The following LAYN variants were observed in gnomAD, a reference collection of about 807,000 sequenced individuals.
The protein encoded by LAYN is layilin.
Under a neutral mutation model 43.6 loss-of-function variants are expected in LAYN, and 38 were observed. The ratio of observed to expected loss-of-function variants is 0.87; its 90% CI spans 0.67 to 1.14. The LOEUF (loss-of-function observed/expected upper bound fraction) is 1.14, where lower values mean the gene tolerates loss of function less well. Among genes scored for constraint, LAYN ranks in the 50% most tolerant of loss-of-function variants. LAYN has a pLI of 0.00. For synonymous variants in LAYN, 168 were observed against 172.9 expected, an observed-to-expected ratio of 0.97 and a Z score of 0.22; for missense variants, 479 against 463.8, an observed-to-expected ratio of 1.03 and a Z score of -0.30.
rs1031238521 is a variant in LAYN at position 111,560,657 on chromosome 11, G to A, written c.*199G>A. 6 of 583,948 alleles carry A rather than the reference G, an allele frequency of 1.0e-5. No individual in the cohort carries two copies. Among genetic ancestry groups the A allele is most frequent in the East Asian group, 2.9e-5 (1 of 34,126 alleles). 36.2% of individuals were successfully genotyped at this position (583,948 alleles called of 1,614,324 possible). The stretch of plus-strand genomic sequence containing the variant: ...TTTATCCCAGCCAGTCATCCAGCTC[G>A]ACCTTATGAGAAGGTACCTTGCCCA... On this transcript the variant is annotated 3_prime_UTR_variant, in exon 7 of 7. Transcript: ENST00000375614.
At chr11:111,540,558 C>T (rs1485928638), upstream of LAYN, 1 of 476,454 alleles carries the variant, frequency 2.1e-6, no homozygotes, top group Non-Finnish European at 3.7e-6. Context: ...AGCTGGTTCC[C>T]CTCTGCGACT....
At chr11:111,547,131 C>T (rs372303688) in intron 2 of LAYN, among the ~76,000 whole-genome samples, 2 of 152,184 alleles carry the variant, frequency 1.3e-5, no homozygotes, top group East Asian at 1.9e-4. Context: ...CCTCTAGAGC[C>T]CAAAGAGACC....
At chr11:111,556,341 G>C (rs906131811) in intron 5 of LAYN, among the ~76,000 whole-genome samples, 4 of 152,156 alleles carry the variant, frequency 2.6e-5, no homozygotes, top group African/African-American at 9.7e-5. Flanking sequence ...GAGCTTTCGT[G>C]TCCAGAGGTT....
rs185397081 is a variant in LAYN at position 111,550,781 on chromosome 11, T to C, written c.541+1006T>C. Among the ~76,000 whole-genome samples, 3 of 152,324 alleles carry C rather than the reference T, an allele frequency of 2.0e-5. No individual in the cohort carries two copies. In the East Asian group the frequency reaches 5.8e-4, roughly 29 times the overall value. Reference sequence around the variant, plus strand: ...CAGTGAAAGCAAGGCACTTGTTACATACTGGCTTTCCATCACTTTTGTTAA... The same window carrying C: ...CAGTGAAAGCAAGGCACTTGTTACACACTGGCTTTCCATCACTTTTGTTAA... On this transcript the variant is annotated intron_variant, in intron 3 of 6. Transcript: ENST00000375614.
chr11:111,556,339 G>A (rs188832754), intron 5 of LAYN, among the ~76,000 whole-genome samples: 159 of 152,264 alleles, frequency 1.0e-3, no homozygotes, highest in African/African-American at 3.6e-3. Context: ...CAGAGCTTTC[G>A]TGTCCAGAGG....
At chr11:111,557,740 C>A in intron 6 of LAYN, 97 bp downstream of exon 6, 1 of 970,654 alleles carries the variant, frequency 1.0e-6, no homozygotes, top group Non-Finnish European at 1.7e-6. Context: ...ACGGCAGCAC[C>A]AAGAGTATCA....
At chr11:111,556,761 C>T (rs1348611882) in intron 5 of LAYN, among the ~76,000 whole-genome samples, 1 of 152,148 alleles carries the variant, frequency 6.6e-6, no homozygotes, top group Non-Finnish European at 1.5e-5. Context: ...GAAAAGCCAA[C>T]AGCCTCTGGA....
At chr11:111,555,383 C>T in intron 5 of LAYN, 93 bp downstream of exon 5, 1 of 876,672 alleles carries the variant, frequency 1.1e-6, no homozygotes, top group Non-Finnish European at 1.8e-6. Context: ...TTCTTTCCCA[C>T]AGCTACCTAA....
upstream of LAYN, chr11:111,540,545 G>A (rs893023126): frequency 2.2e-6 from 1 of 460,802 alleles, no homozygotes; most frequent in African/African-American, 2.1e-5. Flanking sequence ...GAGGGGGACA[G>A]GGAGCTGGTT....
intron 5 of LAYN, among the ~76,000 whole-genome samples, chr11:111,557,335 T>C (rs112364159): frequency 3.3e-5 from 5 of 152,234 alleles, no homozygotes; most frequent in African/African-American, 1.2e-4. Context: ...TGGCTAGATG[T>C]GTCTTGATCA....
chr11:111,551,311 C>T, intron 3 of LAYN: 1 of 456,220 alleles, frequency 2.2e-6, no homozygotes, highest in South Asian at 1.5e-5. Context: ...TGACCTTCTG[C>T]CTTTGCCTCT....
intron 2 of LAYN, among the ~76,000 whole-genome samples, chr11:111,546,542 G>T (rs1867651530): frequency 6.6e-6 from 1 of 152,224 alleles, no homozygotes; most frequent in Non-Finnish European, 1.5e-5. Context: ...GGCTCAGGCT[G>T]CCTGTATCAG....
intron 5 of LAYN, 26 bp from the exon 6 acceptor site, chr11:111,557,515 T>C (rs777440350): frequency 1.9e-6 from 3 of 1,578,066 alleles, no homozygotes; most frequent in African/African-American, 1.3e-5. Flanking sequence ...CAGCCAATGC[T>C]GATCATGTGC....
At chr11:111,541,693 A>G in intron 1 of LAYN, 1 of 965,048 alleles carries the variant, frequency 1.0e-6, no homozygotes. Flanking sequence ...GCTTGACCAA[A>G]CGGGACAGAG....
At chr11:111,553,362 C>G (rs1867775967) in intron 3 of LAYN, among the ~76,000 whole-genome samples, 1 of 152,146 alleles carries the variant, frequency 6.6e-6, no homozygotes, top group South Asian at 2.1e-4. Context: ...GCCTGTAATC[C>G]CAGCATTTTG....
chr11:111,554,552 C>G lies in LAYN; in HGVS notation c.542-9C>G, dbSNP rs763002566. 1 of 1,610,026 alleles carries G rather than the reference C, an allele frequency of 6.2e-7. No individual in the cohort carries two copies. Among genetic ancestry groups the G allele is most frequent in the South Asian group, 1.1e-5 (1 of 90,984 alleles). On this transcript the variant is annotated splice_polypyrimidine_tract_variant and intron_variant, in intron 3 of 6. Coordinates refer to ENST00000375614, the MANE Select transcript of LAYN (RefSeq NM_178834.5). ...TACTTATTTTTGTTTTTGTTTCTTT[C>G]TACTACAGAGAAACCAGCAGTTCCT...
At chr11:111,548,897 A>T (rs550144458) in intron 2 of LAYN, among the ~76,000 whole-genome samples, 4 of 152,276 alleles carry the variant, frequency 2.6e-5, no homozygotes, top group African/African-American at 9.6e-5. Flanking sequence ...CACATATCCA[A>T]CTGGGTGGCA....
rs1392624471 is a variant in LAYN at position 111,561,136 on chromosome 11, G to A, written c.*678G>A. On this transcript the variant is annotated 3_prime_UTR_variant, in exon 7 of 7. Coordinates refer to ENST00000375614, the MANE Select transcript of LAYN (RefSeq NM_178834.5). The stretch of plus-strand genomic sequence containing the variant: ...GAACCTTGGGAGACCAAGATTGGAG[G>A]ATAGCTTGAGTTCAGGAGTTCCAGA... 6.6e-6 allele frequency: 1 copy of A among 152,598 alleles called. No individual in the cohort carries two copies. Among genetic ancestry groups the A allele is most frequent in the African/African-American group, 2.4e-5 (1 of 41,448 alleles). 9.5% of individuals were successfully genotyped at this position (152,598 alleles called of 1,614,324 possible).
intron 2 of LAYN, among the ~76,000 whole-genome samples, chr11:111,548,439 G>C (rs898263246): frequency 6.6e-6 from 1 of 152,214 alleles, no homozygotes; most frequent in Non-Finnish European, 1.5e-5. Context: ...TAAGGCCAGT[G>C]GGGAGGGGAA....
Sources: allele counts gnomAD v4.1 joint callset (sites outside exome capture counted in the v4.1 genomes callset), GRCh38; gene constraint gnomAD v4.1.1; transcripts MANE v1.5; gene names NCBI Gene and HGNC (gene_info 2026-07-23, HGNC 2026-07-21).